ZNF138: variants seen among roughly 807,000 people sequenced by gnomAD.
ZNF138 encodes zinc finger protein 138, also known as zinc finger protein 138 (clone pHZ-32).
Under a neutral mutation model 33.0 loss-of-function variants are expected in ZNF138, and 33 were observed. The ratio of observed to expected loss-of-function variants is 1.00; its 90% CI spans 0.76 to 1.34. The LOEUF (loss-of-function observed/expected upper bound fraction) is 1.34, where lower values mean the gene tolerates loss of function less well. ZNF138 is among the 40% of genes most tolerant of loss of function. ZNF138 has a pLI of 0.00. For missense variants in ZNF138, 360 were observed against 370.8 expected, an observed-to-expected ratio of 0.97 and a Z score of 0.24; for synonymous variants, 139 against 120.4, an observed-to-expected ratio of 1.15 and a Z score of -1.01.
intron 1 of ZNF138, among the ~76,000 whole-genome samples, chr7:64,804,280 A>C (rs1787393193): frequency 6.6e-6 from 1 of 152,136 alleles, no homozygotes; most frequent in African/African-American, 2.4e-5. Context: ...CACTGTGAAA[A>C]TCCCTGTCCT....
rs1431348026 is a variant in ZNF138, at chr7:64,833,188, C to G, written c.*986C>G. On this transcript the variant is annotated 3_prime_UTR_variant, in exon 4 of 4. Transcript: ENST00000307355. The stretch of plus-strand genomic sequence containing the variant: ...ACAAATGTGAAAAATTTGGTAAATT[C>G]TTTAACAAGTCTTCAACCCTTTCTG... The G allele has an allele frequency of 1.2e-5, 3 of 244,382 alleles. No individual in the cohort carries two copies. The highest frequency in any genetic ancestry group is 1.9e-4 in the East Asian group (2 of 10,418). The allele number at this position is 244,382 out of a possible 1,614,324, so 15.1% of individuals were successfully genotyped here.
the ZNF138 span, among the ~76,000 whole-genome samples, chr7:64,839,369 G>A: frequency 6.0e-4 from 92 of 152,284 alleles, 1 homozygote; most frequent in African/African-American, 1.8e-3. Context: ...TATGGCAGCC[G>A]TCTGAGGGAC....
intron 1 of ZNF138, among the ~76,000 whole-genome samples, chr7:64,808,521 AACTT>A (rs1787799632): frequency 1.3e-5 from 2 of 152,280 alleles, no homozygotes; most frequent in South Asian, 4.2e-4. Flanking sequence ...ATATTTTTGT[AACTT>A]ACGAGGTCAT....
At position 64,831,797 on chromosome 7, in the gene ZNF138, TA is replaced by T. The variant is rs750123890; in HGVS notation, c.562del (p.Ile188PhefsTer56). ...LCMLSRLTQH[K>X]KIHTRENFYK... is the part of the protein sequence containing the mutation. Reference sequence around the variant, plus strand: ...GCATGCTTTCACGCCTAACTCAACATAAAAAAATTCATACTAGAGAGAATTT... The same window carrying T: ...GCATGCTTTCACGCCTAACTCAACATAAAAAATTCATACTAGAGAGAATTT... On this transcript the variant is annotated frameshift_variant, in exon 4 of 4. Transcript: ENST00000307355. LOFTEE classifies it high-confidence loss of function. The T allele has an allele frequency of 1.1e-5, 17 of 1,613,216 alleles. No homozygotes were observed. In the African/African-American group the frequency reaches 1.7e-4, roughly 16 times the overall value.
rs190426727 is a variant in ZNF138 at position 64,819,499 on chromosome 7, C to T, written c.208+3846C>T. Among the ~76,000 whole-genome samples the T allele has an allele frequency of 1.2e-3, 175 of 151,930 alleles. 1 individual carries two copies. The East Asian group carries it at 0.012, about 10-fold the overall frequency. ...TCTCCTGCCTCAGTCTCCTCAGTGGCTAGGATTACAGGTGGCCGCCACCAT... is the reference window on the plus strand; with the variant it reads ...TCTCCTGCCTCAGTCTCCTCAGTGGTTAGGATTACAGGTGGCCGCCACCAT... On this transcript the variant is annotated intron_variant, in intron 3 of 3. Transcript: ENST00000307355.
chr7:64,799,071 A>G (rs1319954585), intron 1 of ZNF138, among the ~76,000 whole-genome samples: 1 of 152,046 alleles, frequency 6.6e-6, no homozygotes, highest in Non-Finnish European at 1.5e-5. Context: ...TAGTTTTTTT[A>G]GTTCTGTTAA....
At chr7:64,822,808 A>G (rs1337610510) in intron 3 of ZNF138, among the ~76,000 whole-genome samples, 2 of 152,198 alleles carry the variant, frequency 1.3e-5, no homozygotes, top group African/African-American at 4.8e-5. Context: ...CGCTATTAGA[A>G]TTTTGTTAGA....
At chr7:64,860,262 T>G in the ZNF138 span, among the ~76,000 whole-genome samples, 1 of 152,352 alleles carries the variant, frequency 6.6e-6, no homozygotes, top group Admixed American at 6.5e-5. Context: ...CCTCACATAC[T>G]TATTATACTT....
At chr7:64,825,445 A>G (rs1789517746) in intron 3 of ZNF138, among the ~76,000 whole-genome samples, 1 of 151,552 alleles carries the variant, frequency 6.6e-6, no homozygotes, top group Admixed American at 6.6e-5. Context: ...TGCTGGGATT[A>G]CAGGCCTGAG....
At chr7:64,842,801 G>C in the ZNF138 span, among the ~76,000 whole-genome samples, 3 of 152,264 alleles carry the variant, frequency 2.0e-5, no homozygotes, top group South Asian at 6.2e-4. Flanking sequence ...CTTAATTCTA[G>C]GTAGTTACCT....
At chr7:64,807,824 G>A (rs1486859605) in intron 1 of ZNF138, among the ~76,000 whole-genome samples, 6 of 152,186 alleles carry the variant, frequency 3.9e-5, no homozygotes, top group Admixed American at 3.9e-4. Context: ...AGAATCTGAT[G>A]GCAGAATCTG....
chr7:64,796,110 C>T (rs1382881302), intron 1 of ZNF138, among the ~76,000 whole-genome samples: 1 of 152,186 alleles, frequency 6.6e-6, no homozygotes, highest in Non-Finnish European at 1.5e-5. Context: ...CAATCATATG[C>T]TGGTATTGAG....
the ZNF138 span, among the ~76,000 whole-genome samples, chr7:64,840,823 G>A: frequency 3.3e-5 from 5 of 152,166 alleles, no homozygotes; most frequent in Admixed American, 6.5e-5. Context: ...AGCTATGCAC[G>A]TATGTTACTC....
chr7:64,841,473 T>C, the ZNF138 span, among the ~76,000 whole-genome samples: 1 of 151,332 alleles, frequency 6.6e-6, no homozygotes, highest in East Asian at 2.0e-4. Flanking sequence ...GCCATAAATA[T>C]TCCTGCTAGA....
Position 64,818,963 on chromosome 7 carries a change from C to T in ZNF138, c.208+3310C>T, listed in dbSNP as rs540597934. On this transcript the variant is annotated intron_variant, in intron 3 of 3. Coordinates refer to ENST00000307355, the MANE Select transcript of ZNF138 (RefSeq NM_001271639.2). ...TTACAAGCCAGATTTTATGAGTAAACATGTCTCTTATTATTGTTTTGTAGT... is the reference window on the plus strand; with the variant it reads ...TTACAAGCCAGATTTTATGAGTAAATATGTCTCTTATTATTGTTTTGTAGT... Among the ~76,000 whole-genome samples, 8 of 152,218 alleles carry T rather than the reference C, an allele frequency of 5.3e-5. No homozygotes were observed. The South Asian group carries it at 1.5e-3, about 28-fold the overall frequency.
chr7:64,797,480 C>T (rs1314193951), intron 1 of ZNF138, among the ~76,000 whole-genome samples: 1 of 152,150 alleles, frequency 6.6e-6, no homozygotes, highest in Non-Finnish European at 1.5e-5. Context: ...GCGCCAGTGA[C>T]TGCAAGCTAA....
chr7:64,858,586 G>A, the ZNF138 span, among the ~76,000 whole-genome samples: 1 of 152,204 alleles, frequency 6.6e-6, no homozygotes, highest in Non-Finnish European at 1.5e-5. Context: ...ACTACAAGGA[G>A]AATAACATTT....
chr7:64,848,080 TGAAA>T, the ZNF138 span, among the ~76,000 whole-genome samples: 2 of 152,024 alleles, frequency 1.3e-5, no homozygotes, highest in East Asian at 3.9e-4. Flanking sequence ...TTTGTTTGTC[TGAAA>T]GAGACAGTAT....
chr7:64,823,425 T>C (rs1288297403), intron 3 of ZNF138, among the ~76,000 whole-genome samples: 2 of 151,972 alleles, frequency 1.3e-5, no homozygotes, highest in Non-Finnish European at 2.9e-5. Context: ...AGCCTCAGCC[T>C]CCTGGGCTCA....
Sources: allele counts gnomAD v4.1 joint callset (sites outside exome capture counted in the v4.1 genomes callset), GRCh38; gene constraint gnomAD v4.1.1; transcripts MANE v1.5; gene names NCBI Gene and HGNC (gene_info 2026-07-23, HGNC 2026-07-21).